TSPAN14: variants seen among roughly 807,000 people sequenced by gnomAD.
TSPAN14 encodes the protein tetraspanin 14.
In TSPAN14, 16 loss-of-function variants were observed where a neutral mutation model predicts 36.6. The observed-to-expected ratio is 0.44, with a 90% CI of 0.30 to 0.66. The LOEUF (loss-of-function observed/expected upper bound fraction) is 0.66, where lower values mean the gene tolerates loss of function less well. Ranked by LOEUF, TSPAN14 falls within the 30% of genes least tolerant of loss-of-function variation. The pLI is 0.12. For missense variants in TSPAN14, 231 were observed against 355.1 expected (o/e 0.65, Z 2.81); for synonymous variants, 139 against 143.8 (o/e 0.97, Z 0.24).
At chr10:80,483,226 A>G (rs1381827720) in intron 1 of TSPAN14, among the ~76,000 whole-genome samples, 2 of 152,144 alleles carry the variant, frequency 1.3e-5, no homozygotes, top group African/African-American at 4.8e-5. Flanking sequence ...CAGCAGGGGC[A>G]CCTCCAACCA....
At chr10:80,491,285 C>T (rs562116417) in intron 2 of TSPAN14, among the ~76,000 whole-genome samples, 33 of 152,282 alleles carry the variant, frequency 2.2e-4, no homozygotes, top group Admixed American at 1.6e-3. Context: ...AGTCCATGCT[C>T]CATCCTCATG....
chr10:80,504,680 G>A (rs764592664), intron 2 of TSPAN14, 48 bp from the exon 3 acceptor site: 2 of 1,611,840 alleles, frequency 1.2e-6, no homozygotes, highest in Non-Finnish European at 1.7e-6. Context: ...TGTTCACAGT[G>A]CTGGTTTCCA....
In TSPAN14 at chr10:80,509,748, C is replaced by T. The variant is rs1468534393; in HGVS notation, c.450+277C>T. On this transcript the variant is annotated intron_variant, in intron 5 of 8. Coordinates refer to ENST00000429989, the Ensembl canonical transcript of TSPAN14. The surrounding 1 kb of genome is among the most constrained non-coding windows in gnomAD (Gnocchi z 4.7). Reference sequence around the variant, plus strand: ...CCCCACGTGCCCGGCCCTCCTCTTTCGGCCCCAGATCTTTCCAATCCTGCC... The same window carrying T: ...CCCCACGTGCCCGGCCCTCCTCTTTTGGCCCCAGATCTTTCCAATCCTGCC... 2.1e-5 allele frequency: 9 copies of T among 433,342 alleles called. No homozygotes were observed. Among genetic ancestry groups the T allele is most frequent in the East Asian group, 9.2e-5 (2 of 21,780 alleles). The allele number at this position is 433,342 out of a possible 1,614,324, so 26.8% of individuals were successfully genotyped here.
chr10:80,487,299 T>C (rs1226184039), intron 1 of TSPAN14, among the ~76,000 whole-genome samples: 2 of 138,942 alleles, frequency 1.4e-5, no homozygotes, highest in African/African-American at 5.4e-5. Context: ...ATGGGTCTGC[T>C]GGCATGTCAG....
At chr10:80,478,479 C>A (rs1021918953) in intron 1 of TSPAN14, among the ~76,000 whole-genome samples, 21 of 152,178 alleles carry the variant, frequency 1.4e-4, no homozygotes, top group Non-Finnish European at 2.8e-4. Flanking sequence ...AGGTTATTAG[C>A]TTCTCTATGG....
chr10:80,485,622 C>A, intron 1 of TSPAN14: 1 of 985,326 alleles, frequency 1.0e-6, no homozygotes, highest in Non-Finnish European at 1.2e-6. Flanking sequence ...TATGTGGAGA[C>A]CAGGATCTGC....
intron 3 of TSPAN14, among the ~76,000 whole-genome samples, chr10:80,506,158 A>G (rs142561255): frequency 0.013 from 2,043 of 152,270 alleles, 12 homozygotes; most frequent in Non-Finnish European, 0.021. Flanking sequence ...TTTTAGGTAG[A>G]GATGGGGTTT....
chr10:80,502,784 A>G (rs1378743917), intron 2 of TSPAN14, among the ~76,000 whole-genome samples: 1 of 152,132 alleles, frequency 6.6e-6, no homozygotes, highest in Non-Finnish European at 1.5e-5. Flanking sequence ...AGGACTGGAC[A>G]TCTGAGTGTG....
intron 1 of TSPAN14, among the ~76,000 whole-genome samples, chr10:80,469,842 A>G (rs1338865313): frequency 6.6e-6 from 1 of 151,486 alleles, no homozygotes; most frequent in Non-Finnish European, 1.5e-5. Context: ...AAAGTGTCCC[A>G]CCCTAGACTC....
exon 9 of TSPAN14, chr10:80,520,340 A>C: frequency 2.8e-6 from 1 of 351,164 alleles, no homozygotes; most frequent in African/African-American, 2.1e-5. Context: ...GACTCTGAAT[A>C]GTTGGATGAG....
chr10:80,481,575 G>T (rs183117672), intron 1 of TSPAN14, among the ~76,000 whole-genome samples: 1 of 152,186 alleles, frequency 6.6e-6, no homozygotes. Flanking sequence ...GGGGTGGCTT[G>T]CAGGGAGAGG....
rs368162713 is a variant in TSPAN14, at chr10:80,459,692, A to G, written c.-18+5321A>G. ...AGCTGTTGGGCCTGTGCTCCTGTAC[A>G]CTGCACGGCCTTGAGAGGAGTTCGG... On this transcript the variant is annotated intron_variant, in intron 1 of 8. Coordinates refer to ENST00000429989, the Ensembl canonical transcript of TSPAN14. Among the ~76,000 whole-genome samples, 405 of 152,296 alleles carry G rather than the reference A, an allele frequency of 2.7e-3. 4 individuals are homozygous for G. The highest frequency in any genetic ancestry group is 9.3e-3 in the African/African-American group (388 of 41,564).
intron 2 of TSPAN14, among the ~76,000 whole-genome samples, chr10:80,490,652 C>A (rs1847877231): frequency 6.6e-6 from 1 of 152,092 alleles, no homozygotes; most frequent in Admixed American, 6.5e-5. Context: ...AGAAACCCAG[C>A]TGGAGTCGGC....
chr10:80,487,417 A>G (rs1051233114), intron 1 of TSPAN14, among the ~76,000 whole-genome samples: 7 of 152,164 alleles, frequency 4.6e-5, no homozygotes, highest in African/African-American at 1.7e-4. Context: ...TCTGTATTTA[A>G]AATAAGTGAT....
At chr10:80,487,110 A>T (rs1341982834) in intron 1 of TSPAN14, among the ~76,000 whole-genome samples, 1 of 152,172 alleles carries the variant, frequency 6.6e-6, no homozygotes, top group Non-Finnish European at 1.5e-5. Flanking sequence ...GGGACCCTGT[A>T]ATTTGAAACA....
chr10:80,478,504 T>A (rs1847052097), intron 1 of TSPAN14, among the ~76,000 whole-genome samples: 1 of 152,176 alleles, frequency 6.6e-6, no homozygotes, highest in Non-Finnish European at 1.5e-5. Flanking sequence ...GCCTGTGGAA[T>A]ATTGAGCCAA....
chr10:80,468,561 T>C (rs995124409), intron 1 of TSPAN14: 1 of 152,184 alleles, frequency 6.6e-6, no homozygotes, highest in Non-Finnish European at 1.5e-5. Flanking sequence ...ACATCCTTAC[T>C]ATTCAAAGTG....
chr10:80,512,145 A>G (rs1779750953), exon 6 of TSPAN14: 2 of 1,614,140 alleles, frequency 1.2e-6, no homozygotes, highest in South Asian at 1.1e-5. Context: ...TGGTTGCAGA[A>G]CCAGTGCTGT....
At chr10:80,495,548 G>A (rs1386949719) in intron 2 of TSPAN14, among the ~76,000 whole-genome samples, 1 of 152,110 alleles carries the variant, frequency 6.6e-6, no homozygotes, top group Non-Finnish European at 1.5e-5. Context: ...CCACCAGTTG[G>A]GATTACTGAG....
Sources: gnomAD v4.1 joint callset for allele counts (sites outside exome capture counted in the v4.1 genomes callset) on GRCh38, gnomAD v4.1.1 for gene constraint, Gnocchi (gnomAD v3.1) non-coding constraint, MANE v1.5 for transcripts, NCBI Gene and HGNC (gene_info 2026-07-23, HGNC 2026-07-21) for gene names.